The following LRP1B variants were observed in gnomAD, a reference collection of about 807,000 sequenced individuals.
LRP1B encodes LDL receptor related protein 1B.
LRP1B carries 217 observed loss-of-function variants against 556.6 expected under a neutral mutation model. The ratio of observed to expected loss-of-function variants is 0.39; its 90% CI spans 0.35 to 0.44. LRP1B has a LOEUF of 0.44. Among genes scored for constraint, LRP1B ranks in the 20% least tolerant of loss-of-function variants. The pLI is 1.00. For synonymous variants in LRP1B, 2,047 were observed against 1,865.8 expected, an observed-to-expected ratio of 1.10 and a Z score of -2.50; for missense variants, 5,053 against 5,620.8, an observed-to-expected ratio of 0.90 and a Z score of 3.23.
At chr2:141,707,716 A>C (rs1208885932) in intron 2 of LRP1B, among the ~76,000 whole-genome samples, 2 of 152,214 alleles carry the variant, frequency 1.3e-5, no homozygotes, top group East Asian at 3.9e-4. Flanking sequence ...CTGACTGTGC[A>C]GTCTAGTTAG....
chr2:140,322,393 T>A (rs1680188357), intron 81 of LRP1B, among the ~76,000 whole-genome samples: 1 of 152,066 alleles, frequency 6.6e-6, no homozygotes, highest in African/African-American at 2.4e-5. Flanking sequence ...GAGTTGGTCC[T>A]AGAACCTGAA....
intron 1 of LRP1B, among the ~76,000 whole-genome samples, chr2:142,125,234 A>G (rs1189113834): frequency 1.3e-5 from 2 of 151,808 alleles, no homozygotes; most frequent in African/African-American, 4.8e-5. Flanking sequence ...CAAACAGAAA[A>G]AAAACAGCAT....
intron 31 of LRP1B, among the ~76,000 whole-genome samples, chr2:140,826,070 A>T (rs1691492019): frequency 6.6e-6 from 1 of 152,126 alleles, no homozygotes; most frequent in African/African-American, 2.4e-5. Context: ...TGACAAAGAA[A>T]CTCATTTTGT....
intron 43 of LRP1B, among the ~76,000 whole-genome samples, chr2:140,566,888 T>C (rs1267268318): frequency 6.6e-6 from 1 of 152,088 alleles, no homozygotes; most frequent in African/African-American, 2.4e-5. Context: ...TCATGCACAA[T>C]ACTTAAGCTG....
At position 141,847,825 on chromosome 2, in the gene LRP1B, A is replaced by C. The variant is rs186939712; in HGVS notation, c.83-37424T>G. 3.2e-4 allele frequency among the ~76,000 whole-genome samples: 49 copies of C among 151,766 alleles called. 1 individual carries two copies. The highest frequency in any genetic ancestry group is 2.8e-3 in the Admixed American group (43 of 15,194). ...TGAAGGTTTGAAACCTTAAAAAATGATGCAAATGTTTTTGTGGCAATAGGG... is the reference window on the plus strand; with the variant it reads ...TGAAGGTTTGAAACCTTAAAAAATGCTGCAAATGTTTTTGTGGCAATAGGG... On this transcript the variant is annotated intron_variant, in intron 1 of 90. Coordinates refer to ENST00000389484, the MANE Select transcript of LRP1B (RefSeq NM_018557.3).
intron 14 of LRP1B, among the ~76,000 whole-genome samples, chr2:141,012,845 A>C (rs1697794797): frequency 6.6e-6 from 1 of 151,916 alleles, no homozygotes; most frequent in Non-Finnish European, 1.5e-5. Context: ...TACTCATTAA[A>C]TTTTTACAAT....
intron 1 of LRP1B, among the ~76,000 whole-genome samples, chr2:142,010,426 T>C (rs965019665): frequency 1.1e-4 from 16 of 150,766 alleles, no homozygotes; most frequent in African/African-American, 2.2e-4. Context: ...TGGTGGCGGG[T>C]GCCTGTAGTC....
chr2:140,329,515 GCTT>G (rs1468716469), intron 79 of LRP1B, among the ~76,000 whole-genome samples: 9 of 152,078 alleles, frequency 5.9e-5, no homozygotes, highest in African/African-American at 2.2e-4. Flanking sequence ...CAGCTCAAAA[GCTT>G]CTTAAGTTGA....
At chr2:140,761,332 G>A (rs1485953454) in intron 35 of LRP1B, among the ~76,000 whole-genome samples, 5 of 152,134 alleles carry the variant, frequency 3.3e-5, no homozygotes, top group Non-Finnish European at 5.9e-5. Context: ...TATATAAAAG[G>A]TCTATAATAT....
intron 25 of LRP1B, among the ~76,000 whole-genome samples, chr2:140,877,813 T>G (rs1329140888): frequency 6.6e-6 from 1 of 152,122 alleles, no homozygotes; most frequent in Non-Finnish European, 1.5e-5. Context: ...ATGTACAAAA[T>G]CAAACTGTCC....
chr2:141,168,690 A>G (rs907814034), intron 7 of LRP1B, among the ~76,000 whole-genome samples: 2 of 152,040 alleles, frequency 1.3e-5, no homozygotes, highest in Admixed American at 6.6e-5. Context: ...GAAATCTACA[A>G]TTCTAATCAG....
chr2:141,006,069 G>A (rs1208011644), intron 14 of LRP1B, among the ~76,000 whole-genome samples: 2 of 151,966 alleles, frequency 1.3e-5, no homozygotes, highest in Admixed American at 6.6e-5. Context: ...CATAAATTAA[G>A]CAGGCATGAG....
At chr2:140,261,068 TA>T (rs1558933045) in intron 86 of LRP1B, among the ~76,000 whole-genome samples, 2 of 150,966 alleles carry the variant, frequency 1.3e-5, no homozygotes, top group East Asian at 1.9e-4. Context: ...TATATATATA[TA>T]ATATATATGA....
chr2:140,820,451 T>G (rs1435952942), intron 31 of LRP1B, among the ~76,000 whole-genome samples: 8 of 152,190 alleles, frequency 5.3e-5, no homozygotes, highest in Non-Finnish European at 1.2e-4. Flanking sequence ...AGGTAAGATT[T>G]CAACATTTCC....
At chr2:141,237,128 G>T (rs1437730471) in intron 5 of LRP1B, among the ~76,000 whole-genome samples, 1 of 152,152 alleles carries the variant, frequency 6.6e-6, no homozygotes, top group South Asian at 2.1e-4. Context: ...TAAAGCAGAA[G>T]TTCAAAATTG....
At chr2:140,972,006 G>A (rs553056066) in intron 18 of LRP1B, among the ~76,000 whole-genome samples, 4 of 152,304 alleles carry the variant, frequency 2.6e-5, no homozygotes, top group South Asian at 2.1e-4. Flanking sequence ...TTGGGGAAAT[G>A]CTGAGTTAGA....
At chr2:141,984,549 G>A (rs985122239) in intron 1 of LRP1B, among the ~76,000 whole-genome samples, 4 of 152,112 alleles carry the variant, frequency 2.6e-5, no homozygotes, top group Non-Finnish European at 2.9e-5. Flanking sequence ...ACAATAGCCT[G>A]ATAATCATAT....
At chr2:140,507,281 G>T (rs112171128) in intron 52 of LRP1B, among the ~76,000 whole-genome samples, 3,744 of 152,058 alleles carry the variant, frequency 0.025, 138 homozygotes, top group African/African-American at 0.086. Context: ...CTTTACTTAT[G>T]CCTACAGTAA....
At chr2:142,007,538 T>C (rs569226745) in intron 1 of LRP1B, among the ~76,000 whole-genome samples, 1 of 152,292 alleles carries the variant, frequency 6.6e-6, no homozygotes, top group Non-Finnish European at 1.5e-5. Context: ...ACATTACCTA[T>C]CAACACTTGA....
Sources: allele counts gnomAD v4.1 joint callset (sites outside exome capture counted in the v4.1 genomes callset), GRCh38; gene constraint gnomAD v4.1.1; transcripts MANE v1.5; gene names NCBI Gene and HGNC (gene_info 2026-07-23, HGNC 2026-07-21).